Variants in TMEM132B observed in about 807,000 individuals in gnomAD.
The protein encoded by TMEM132B is transmembrane protein 132B.
In TMEM132B, 18 loss-of-function variants were observed where a neutral mutation model predicts 90.8. The ratio of observed to expected loss-of-function variants is 0.20; its 90% CI spans 0.14 to 0.29. The LOEUF (loss-of-function observed/expected upper bound fraction) is 0.29, where lower values mean the gene tolerates loss of function less well. TMEM132B is among the 10% of genes least tolerant of loss of function. The probability of loss-of-function intolerance (pLI) is 1.00; values close to 1 mark genes in which losing one functional copy is unlikely to be tolerated. For synonymous variants in TMEM132B, 504 were observed against 523.3 expected (o/e 0.96, Z 0.50); for missense variants, 1,096 against 1,326.8 (o/e 0.83, Z 2.70).
At chr12:125,241,702 G>A (rs1026398977) in intron 1 of TMEM132B, among the ~76,000 whole-genome samples, 2 of 152,150 alleles carry the variant, frequency 1.3e-5, no homozygotes, top group Non-Finnish European at 2.9e-5. Context: ...GGTCTCCAGG[G>A]CCATGAGAAA....
intron 2 of TMEM132B, among the ~76,000 whole-genome samples, chr12:125,363,085 G>A: frequency 6.6e-6 from 1 of 152,202 alleles, no homozygotes; most frequent in African/African-American, 2.4e-5. Flanking sequence ...GATTTCTCTG[G>A]GGTCGAGGCA....
intron 1 of TMEM132B, among the ~76,000 whole-genome samples, chr12:125,310,741 C>T (rs1348173355): frequency 6.6e-6 from 1 of 152,172 alleles, no homozygotes; most frequent in East Asian, 1.9e-4. Context: ...CCCAACAACA[C>T]CCCCACGGTA....
intron 5 of TMEM132B, among the ~76,000 whole-genome samples, chr12:125,589,225 G>A (rs779863121): frequency 1.1e-3 from 173 of 152,052 alleles, no homozygotes; most frequent in Non-Finnish European, 2.1e-3. Context: ...GCTCACGCCT[G>A]TAATCCCAGC....
At chr12:125,567,738 C>A (rs1201456960) in intron 4 of TMEM132B, among the ~76,000 whole-genome samples, 1 of 152,184 alleles carries the variant, frequency 6.6e-6, no homozygotes, top group African/African-American at 2.4e-5. Flanking sequence ...CCTGTGACAG[C>A]CAGAAGCTGT....
At chr12:125,545,590 C>G (rs1269214498) in intron 4 of TMEM132B, among the ~76,000 whole-genome samples, 1 of 152,218 alleles carries the variant, frequency 6.6e-6, no homozygotes, top group African/African-American at 2.4e-5. Flanking sequence ...TTGCATCTCC[C>G]TGGCCACTGT....
chr12:125,373,472 A>G (rs1392233722), intron 2 of TMEM132B, among the ~76,000 whole-genome samples: 1 of 152,202 alleles, frequency 6.6e-6, no homozygotes, highest in Non-Finnish European at 1.5e-5. Context: ...CTGCAAGCCA[A>G]GGAGAGGTCT....
At chr12:125,358,748 G>A (rs995788464) in intron 2 of TMEM132B, among the ~76,000 whole-genome samples, 24 of 152,110 alleles carry the variant, frequency 1.6e-4, no homozygotes, top group African/African-American at 4.6e-4. Flanking sequence ...TGTCTGCCCC[G>A]TTTCTCCACT....
At chr12:125,495,348 C>G (rs1882534551) in intron 3 of TMEM132B, among the ~76,000 whole-genome samples, 1 of 149,434 alleles carries the variant, frequency 6.7e-6, no homozygotes, top group African/African-American at 2.5e-5. Flanking sequence ...TGTCCCTCCT[C>G]CCCCTCTTCC....
chr12:125,494,709 CT>C (rs1882485440), intron 3 of TMEM132B, among the ~76,000 whole-genome samples: 1 of 141,340 alleles, frequency 7.1e-6, no homozygotes, highest in Non-Finnish European at 1.5e-5. Flanking sequence ...GGCTGGGTCC[CT>C]CCTCCCCCTC....
At chr12:125,604,273 G>A (rs1328613452) in intron 5 of TMEM132B, among the ~76,000 whole-genome samples, 2 of 149,400 alleles carry the variant, frequency 1.3e-5, no homozygotes, top group African/African-American at 4.8e-5. Flanking sequence ...GCCATAAAAG[G>A]GAATGAGACT....
intron 5 of TMEM132B, among the ~76,000 whole-genome samples, chr12:125,603,509 C>T (rs997586770): frequency 4.6e-5 from 7 of 152,132 alleles, no homozygotes; most frequent in Non-Finnish European, 1.0e-4. Context: ...CACAAGAAAA[C>T]CTAGGCAATA....
intron 1 of TMEM132B, among the ~76,000 whole-genome samples, chr12:125,227,613 C>T (rs559039025): frequency 8.6e-4 from 131 of 152,186 alleles, no homozygotes; most frequent in Non-Finnish European, 1.6e-3. Flanking sequence ...AGGATGGTTC[C>T]CTCTTGAGCT....
At chr12:125,534,970 T>C (rs1883758812) in intron 4 of TMEM132B, among the ~76,000 whole-genome samples, 1 of 152,236 alleles carries the variant, frequency 6.6e-6, no homozygotes, top group South Asian at 2.1e-4. Flanking sequence ...CTTCTAGCAG[T>C]GAGGAAAGAT....
At chr12:125,347,460 G>A (rs1307169364) in intron 1 of TMEM132B, among the ~76,000 whole-genome samples, 1 of 152,094 alleles carries the variant, frequency 6.6e-6, no homozygotes, top group East Asian at 1.9e-4. Context: ...ATCTAGTTAC[G>A]ATTTTCTCAC....
chr12:125,446,913 G>A (rs989956217), intron 3 of TMEM132B, among the ~76,000 whole-genome samples: 1 of 152,194 alleles, frequency 6.6e-6, no homozygotes, highest in African/African-American at 2.4e-5. Flanking sequence ...GAACTAATGA[G>A]TTACCATGAC....
chr12:125,587,245 A>T (rs1273026867), intron 5 of TMEM132B: 1 of 149,798 alleles, frequency 6.7e-6, no homozygotes, highest in Admixed American at 6.6e-5. Context: ...GCACACACAC[A>T]AGAAGCCTTA....
At chr12:125,393,435 A>AAAC (rs202125854) in intron 2 of TMEM132B, among the ~76,000 whole-genome samples, 1 of 152,114 alleles carries the variant, frequency 6.6e-6, no homozygotes, top group Non-Finnish European at 1.5e-5. Flanking sequence ...CAATACAAGA[A>AAAC]AACAACAACA....
intron 2 of TMEM132B, among the ~76,000 whole-genome samples, chr12:125,356,703 C>G (rs1381316323): frequency 6.6e-6 from 1 of 152,210 alleles, no homozygotes; most frequent in Non-Finnish European, 1.5e-5. Context: ...CGCCATGTTG[C>G]CTACAAGGCC....
intron 3 of TMEM132B, among the ~76,000 whole-genome samples, chr12:125,440,556 T>G (rs768130331): frequency 6.6e-6 from 1 of 152,178 alleles, no homozygotes; most frequent in Non-Finnish European, 1.5e-5. Context: ...ATAAATGAAC[T>G]AGTACCTTGC....
Sources: gnomAD v4.1 joint callset for allele counts (sites outside exome capture counted in the v4.1 genomes callset) on GRCh38, gnomAD v4.1.1 for gene constraint, MANE v1.5 for transcripts, NCBI Gene and HGNC (gene_info 2026-07-23, HGNC 2026-07-21) for gene names.